STK11: variants seen among roughly 807,000 people sequenced by gnomAD.
STK11 encodes the protein serine/threonine kinase 11.
In STK11, 8 loss-of-function variants were observed where a neutral mutation model predicts 47.3. The observed-to-expected ratio is 0.17, with a 90% CI of 0.10 to 0.31. The LOEUF is 0.31. Among genes scored for constraint, STK11 ranks in the 10% least tolerant of loss-of-function variants. The pLI is 1.00. For synonymous variants in STK11, 330 were observed against 255.8 expected (o/e 1.29, Z -2.77); for missense variants, 475 against 605.0 (o/e 0.79, Z 2.25).
At chr19:1,226,703 A>G (rs2145436960) in intron 9 of STK11, 40 bp downstream of exon 9, 1 of 1,451,300 alleles carries the variant, frequency 6.9e-7, no homozygotes, top group Non-Finnish European at 9.0e-7. Context: ...TGTGGGGACA[A>G]CGCCTGGATG....
intron 8 of STK11, 31 bp downstream of exon 8, chr19:1,223,203 T>C: frequency 6.3e-7 from 1 of 1,593,418 alleles, no homozygotes; most frequent in Non-Finnish European, 8.5e-7. Context: ...TGCCCGGCTC[T>C]GCTGACTCGG....
chr19:1,226,430 C>G (rs1426854338), intron 8 of STK11, 24 bp from the exon 9 acceptor site: 1 of 1,605,304 alleles, frequency 6.2e-7, no homozygotes, highest in East Asian at 2.2e-5. Context: ...TCAGCTCAGG[C>G]CACACTTGCC....
intron 1 of STK11, among the ~76,000 whole-genome samples, chr19:1,207,515 T>C (rs1232866197): frequency 2.0e-5 from 3 of 152,190 alleles, no homozygotes; most frequent in Admixed American, 6.5e-5. Context: ...GACTAGCCCC[T>C]TGGCTCCCCC....
chr19:1,212,272 C>A (rs979575218), intron 1 of STK11, among the ~76,000 whole-genome samples: 1 of 142,716 alleles, frequency 7.0e-6, no homozygotes, highest in African/African-American at 2.7e-5. Context: ...TTTCTTAACA[C>A]CTTTTTTTTT....
chr19:1,211,500 C>A (rs1423470458), intron 1 of STK11, among the ~76,000 whole-genome samples: 1 of 152,104 alleles, frequency 6.6e-6, no homozygotes. Context: ...ATGCCTCCCT[C>A]CCCCTTTCCA....
chr19:1,218,846 CTCGTG>C (rs1452648083), intron 2 of STK11, among the ~76,000 whole-genome samples: 3 of 152,230 alleles, frequency 2.0e-5, no homozygotes, highest in African/African-American at 7.2e-5. Flanking sequence ...TGGGCGTGTC[CTCGTG>C]TCATCTGTGG....
Position 1,226,681 on chromosome 19 carries a change from C to A in STK11, c.*16+18C>A, listed in dbSNP as rs1057522995. 6.8e-7 allele frequency: 1 copy of A among 1,476,362 alleles called. No homozygotes were observed. The highest frequency in any genetic ancestry group is 2.5e-5 in the East Asian group (1 of 39,870). The allele number at this position is 1,476,362 out of a possible 1,614,324, so 91.5% of individuals were successfully genotyped here. On this transcript the variant is annotated intron_variant, in intron 9 of 9. Transcript: ENST00000326873. ...GCCTGCAGGTGGGGCGCGGCGGGGC[C>A]CGGGTGGGGCATGTGGGGACAACGC... is the stretch of plus-strand genomic sequence containing the variant.
intron 8 of STK11, chr19:1,225,728 T>G: frequency 1.0e-6 from 1 of 985,614 alleles, no homozygotes; most frequent in Middle Eastern, 5.2e-4. Flanking sequence ...CCCACTGACT[T>G]CGCCCGGGAG....
chr19:1,222,103 T>TGCCAG, intron 7 of STK11, 97 bp downstream of exon 7: 1 of 1,425,312 alleles, frequency 7.0e-7, no homozygotes, highest in Non-Finnish European at 9.6e-7. Flanking sequence ...GTGGTGGGGG[T>TGCCAG]GCCAGGCTGG....
At chr19:1,223,836 G>T in intron 8 of STK11, 1 of 1,028,124 alleles carries the variant, frequency 9.7e-7, no homozygotes. Context: ...GCTGTGTTCG[G>T]CCCAGGGCTG....
intron 1 of STK11, among the ~76,000 whole-genome samples, chr19:1,213,541 C>T (rs1599921312): frequency 6.6e-6 from 1 of 152,332 alleles, no homozygotes; most frequent in East Asian, 1.9e-4. Context: ...CTTTTGCGTC[C>T]GGCTTGTCTC....
chr19:1,219,449 G>T lies in STK11; in HGVS notation c.464+36G>T. The T allele has an allele frequency of 1.3e-6, 2 of 1,544,652 alleles. No homozygotes were observed. Among genetic ancestry groups the T allele is most frequent in the Middle Eastern group, 2.0e-4 (1 of 4,928 alleles). On this transcript the variant is annotated intron_variant, in intron 3 of 9. Coordinates refer to ENST00000326873, the MANE Select transcript of STK11 (RefSeq NM_000455.5). ...GGGGCAGGGGCCAGGGTGGGGCGGG[G>T]GCCGGGGGCCAGGCAGGGCAGGCTC...
chr19:1,219,034 G>A (rs1288462459), intron 2 of STK11, among the ~76,000 whole-genome samples: 42 of 152,154 alleles, frequency 2.8e-4, no homozygotes, highest in Admixed American at 2.6e-3. Flanking sequence ...TTGGGGGGGC[G>A]TCCAGGAGGC....
chr19:1,212,990 C>CTTTTTTTT (rs35169539), intron 1 of STK11, among the ~76,000 whole-genome samples: 2 of 94,800 alleles, frequency 2.1e-5, no homozygotes, highest in African/African-American at 4.0e-5. Context: ...TAAAGTTCAC[C>CTTTTTTTT]TTTTTTTTTT....
chr19:1,223,772 C>T lies in STK11; in HGVS notation c.1108+600C>T, dbSNP rs921763844. Reference sequence around the variant, plus strand: ...CCTGAGGAGGAGCTCAGGGCCTTAGCGTAGGGGCGGCCCACATTGGCAGCC... The same window carrying T: ...CCTGAGGAGGAGCTCAGGGCCTTAGTGTAGGGGCGGCCCACATTGGCAGCC... On this transcript the variant is annotated intron_variant, in intron 8 of 9. Coordinates refer to ENST00000326873, the MANE Select transcript of STK11 (RefSeq NM_000455.5). 2.4e-5 allele frequency: 25 copies of T among 1,037,826 alleles called. No homozygotes were observed. In the East Asian group the frequency reaches 2.9e-4, roughly 12 times the overall value. 64.3% of individuals were successfully genotyped at this position (1,037,826 alleles called of 1,614,324 possible). A position where few individuals can be genotyped will look rare whatever the true frequency, so the allele number is the denominator to read the frequency against.
chr19:1,225,426 T>C, intron 8 of STK11: 1 of 786,972 alleles, frequency 1.3e-6, no homozygotes, highest in Non-Finnish European at 1.5e-6. Flanking sequence ...CGCGCCAGCA[T>C]GCCCGGCTAA....
At chr19:1,215,769 C>T (rs1256138866) in intron 1 of STK11, among the ~76,000 whole-genome samples, 3 of 152,078 alleles carry the variant, frequency 2.0e-5, no homozygotes, top group Non-Finnish European at 2.9e-5. Context: ...TGGAGTCTTG[C>T]TCTGTCACCC....
At position 1,207,018 on chromosome 19, in the gene STK11, C is replaced by G. The variant is rs1060503783; in HGVS notation, c.105C>G (p.Ile35Met). 6.2e-7 allele frequency: 1 copy of G among 1,613,794 alleles called. No individual in the cohort carries two copies. The highest frequency in any genetic ancestry group is 8.5e-7 in the Non-Finnish European group (1 of 1,179,868). Residue 35 changes from isoleucine (I) to methionine (M), a missense_variant, in exon 1 of 10, where the codon ATC (isoleucine) becomes ATG (methionine). Physicochemically the swap from Ile to Met is conservative, Grantham distance 10 (BLOSUM62 1). Around this residue, in one of 5 missense-constraint regions of STK11, gnomAD observed 47 missense variants for 103.7 expected, o/e 0.45. Transcript: ENST00000326873. Reference sequence around the variant, plus strand: ...ACCGCATCGACTCCACCGAGGTCATCTACCAGCCGCGCCGCAAGCGGGCCA... The same window carrying G: ...ACCGCATCGACTCCACCGAGGTCATGTACCAGCCGCGCCGCAAGCGGGCCA... ...FIHRIDSTEV[I>M]YQPRRKRAKL... is the part of the protein sequence containing the mutation.
intron 8 of STK11, chr19:1,224,103 C>T (rs1313570065): frequency 2.0e-6 from 2 of 993,314 alleles, no homozygotes; most frequent in Non-Finnish European, 1.2e-6. Context: ...CTCCTGGGCC[C>T]CTCATCAAAC....
Sources: allele counts gnomAD v4.1 joint callset (sites outside exome capture counted in the v4.1 genomes callset), GRCh38; gene constraint gnomAD v4.1.1; regional missense constraint gnomAD v4.1.1; transcripts MANE v1.5; gene names NCBI Gene and HGNC (gene_info 2026-07-23, HGNC 2026-07-21).